Variants in PROSER3 observed in about 807,000 individuals in gnomAD.
PROSER3 encodes proline and serine rich 3, also known as proline and serine-rich protein 3.
In PROSER3, 33 loss-of-function variants were observed where a neutral mutation model predicts 50.2. That is an observed-to-expected ratio of 0.66 (90% CI 0.50 to 0.88). The LOEUF (loss-of-function observed/expected upper bound fraction) is 0.88. Ranked by LOEUF, PROSER3 falls within the 40% of genes least tolerant of loss-of-function variation. The pLI is 0.00. For synonymous variants in PROSER3, 266 were observed against 259.3 expected, an observed-to-expected ratio of 1.03 and a Z score of -0.25; for missense variants, 623 against 612.7, an observed-to-expected ratio of 1.02 and a Z score of -0.18.
chr19:35,760,023 G>T lies in PROSER3; in HGVS notation c.311+32G>T, dbSNP rs991212029. The T allele has an allele frequency of 2.0e-6, 3 of 1,511,212 alleles. No homozygotes were observed. The African/African-American group carries it at 4.2e-5, about 21-fold the overall frequency. 93.6% of individuals were successfully genotyped at this position (1,511,212 alleles called of 1,614,324 possible). A position where few individuals can be genotyped will look rare whatever the true frequency, so the allele number is the denominator to read the frequency against. ...ACCAGCAGCCCTGGGGGAAAAAGAG[G>T]CTTTGGGTTAGAGGGAGGGAGAAGG... On this transcript the variant is annotated intron_variant, in intron 3 of 10. Coordinates refer to ENST00000396908, the Ensembl canonical transcript of PROSER3.
At chr19:35,768,127 G>A (rs1039291405) in intron 9 of PROSER3, 28 bp from the exon 10 acceptor site, 1 of 1,609,054 alleles carries the variant, frequency 6.2e-7, no homozygotes, top group African/African-American at 1.3e-5. Flanking sequence ...CCGGCCCCTT[G>A]GAGCTCATTC....
exon 11 of PROSER3, chr19:35,768,958 T>C: frequency 6.4e-6 from 1 of 155,596 alleles, no homozygotes; most frequent in East Asian, 1.9e-4. Context: ...AGCTGACCCC[T>C]CCCTCCTTGA....
At position 35,762,003 on chromosome 19, in the gene PROSER3, C is replaced by T. The variant is rs1369974796; in HGVS notation, c.312-16C>T. On this transcript the variant is annotated splice_polypyrimidine_tract_variant and intron_variant, in intron 3 of 10. Coordinates refer to ENST00000396908, the Ensembl canonical transcript of PROSER3. The stretch of plus-strand genomic sequence containing the variant: ...TCTCCTCACTCCACTCACCTCCTAT[C>T]CCCTGATGTTCACAGGTATATAAAC... The T allele has an allele frequency of 1.3e-6, 2 of 1,581,804 alleles. No individual in the cohort carries two copies. Among genetic ancestry groups the T allele is most frequent in the Non-Finnish European group, 1.7e-6 (2 of 1,157,496 alleles).
intron 5 of PROSER3, among the ~76,000 whole-genome samples, chr19:35,764,509 AGCCGAGCGTGGTGGC>A (rs1971070793): frequency 1.3e-5 from 2 of 152,250 alleles, no homozygotes; most frequent in Admixed American, 6.5e-5. Flanking sequence ...ATACAAAATT[AGCCGAGCGTGGTGGC>A]GCATGCCTGT....
exon 9 of PROSER3, chr19:35,767,947 G>A: frequency 3.1e-6 from 5 of 1,610,526 alleles, no homozygotes; most frequent in Non-Finnish European, 3.4e-6. Context: ...TCAAGGCCTC[G>A]CCGCCAGCCT....
chr19:35,765,946 G>C (rs895273936), intron 7 of PROSER3, among the ~76,000 whole-genome samples: 1 of 152,178 alleles, frequency 6.6e-6, no homozygotes, highest in Admixed American at 6.5e-5. Context: ...TCCAGGCAGA[G>C]GGAACGACAG....
chr19:35,759,514 A>G lies in PROSER3; in HGVS notation c.108+44A>G. 2.0e-6 allele frequency: 3 copies of G among 1,516,146 alleles called. No homozygotes were observed. The South Asian group carries it at 3.5e-5, about 18-fold the overall frequency. The allele number at this position is 1,516,146 out of a possible 1,614,324, so 93.9% of individuals were successfully genotyped here. ...GAGTGCTGAGTGCCAGCCCAGTAGC[A>G]AGAGAATGACCTTTAGAGGGTAGGA... On this transcript the variant is annotated intron_variant, in intron 2 of 10. Coordinates refer to ENST00000396908, the Ensembl canonical transcript of PROSER3.
chr19:35,766,400 C>G (rs550680548), intron 7 of PROSER3, among the ~76,000 whole-genome samples: 21 of 152,076 alleles, frequency 1.4e-4, no homozygotes, highest in African/African-American at 4.8e-4. Flanking sequence ...ATAAAAATTA[C>G]CCCCGTGTGG....
chr19:35,765,459 A>C (rs1971112505), intron 7 of PROSER3, among the ~76,000 whole-genome samples: 1 of 147,468 alleles, frequency 6.8e-6, no homozygotes, highest in Non-Finnish European at 1.5e-5. Context: ...GCATGCCTGT[A>C]GTCTTAGCTA....
intron 5 of PROSER3, 89 bp from the exon 6 acceptor site, chr19:35,764,765 G>C: frequency 8.1e-7 from 1 of 1,231,150 alleles, no homozygotes; most frequent in Non-Finnish European, 1.2e-6. Context: ...ACCAAGGGCA[G>C]TACAACCTGC....
At chr19:35,768,553 A>G (rs780949060) in exon 11 of PROSER3, 2 of 1,562,862 alleles carry the variant, frequency 1.3e-6, no homozygotes, top group South Asian at 2.3e-5. Flanking sequence ...TGAATTGTAC[A>G]GATTCTATTT....
chr19:35,758,529 C>G (rs900251897), intron 1 of PROSER3: 1 of 367,228 alleles, frequency 2.7e-6, no homozygotes, highest in Non-Finnish European at 4.9e-6. Flanking sequence ...CCAGACACGC[C>G]TGGGCGTTGT....
downstream of PROSER3, among the ~76,000 whole-genome samples, chr19:35,770,123 T>C (rs775951544): frequency 6.6e-6 from 1 of 152,076 alleles, no homozygotes; most frequent in Non-Finnish European, 1.5e-5. Context: ...CAGGCTGGTC[T>C]CAAACTCATG....
intron 2 of PROSER3, 82 bp downstream of exon 2, chr19:35,759,552 A>G: frequency 1.5e-6 from 2 of 1,299,800 alleles, no homozygotes; most frequent in Non-Finnish European, 2.2e-6. Context: ...ACATGTGATG[A>G]GAGATAGGGA....
intron 1 of PROSER3, 167 bp from the exon 2 acceptor site, chr19:35,759,207 C>T (rs762200513): frequency 3.2e-6 from 2 of 624,804 alleles, no homozygotes; most frequent in African/African-American, 1.8e-5. Context: ...CCAGGACTCA[C>T]CCTTCCACTG....
At position 35,759,981 on chromosome 19, in the gene PROSER3, G is replaced by C. The variant is rs201817549; in HGVS notation, c.301G>C (p.Val101Leu). The change falls in exon 3 of 11, where the codon GTG becomes CTG. Residue 101 changes from valine to leucine, a missense_variant. This residue lies in a region of PROSER3 where 236 missense variants were observed against 243.6 expected (regional missense o/e 0.97). Transcript: ENST00000396908. ...CACCCTGATTGACAGCGGGGACTCC[G>C]TGGTGGCCAAGTAAGTACCAGCAGC... 1.0e-5 allele frequency: 16 copies of C among 1,591,290 alleles called. No individual in the cohort carries two copies. In the South Asian group the frequency reaches 1.7e-4, roughly 17 times the overall value.
At chr19:35,767,555 C>T (rs767569956) in intron 8 of PROSER3, 138 of 546,338 alleles carry the variant, frequency 2.5e-4, no homozygotes, top group Non-Finnish European at 3.6e-4. Flanking sequence ...GCCCAAGTCT[C>T]GGAGGAGCAG....
At chr19:35,767,615 C>T in intron 8 of PROSER3, 1 of 687,082 alleles carries the variant, frequency 1.5e-6, no homozygotes, top group South Asian at 2.0e-5. Flanking sequence ...TGGCCAGGGA[C>T]CTGGCCCTCA....
intron 1 of PROSER3, chr19:35,759,118 A>G (rs1970867090): frequency 6.5e-6 from 3 of 463,636 alleles, no homozygotes; most frequent in Non-Finnish European, 1.2e-5. Context: ...AGCCCCTCCT[A>G]GACTGGATCC....
Sources: gnomAD v4.1 joint callset for allele counts (sites outside exome capture counted in the v4.1 genomes callset) on GRCh38, gnomAD v4.1.1 for gene constraint, gnomAD v4.1.1 regional missense constraint, MANE v1.5 for transcripts, NCBI Gene and HGNC (gene_info 2026-07-23, HGNC 2026-07-21) for gene names.